ZNF362: variants seen among roughly 807,000 people sequenced by gnomAD.
ZNF362 encodes rotund homolog.
A neutral mutation model predicts 42.9 loss-of-function variants in ZNF362; 11 were observed. The observed-to-expected ratio is 0.26, with a 90% CI of 0.16 to 0.42. The LOEUF is 0.42. Among genes scored for constraint, ZNF362 ranks in the 20% least tolerant of loss-of-function variants. The pLI, the probability that ZNF362 is intolerant of heterozygous loss-of-function variation, is 1.00. For missense variants in ZNF362, 362 were observed against 576.2 expected (o/e 0.63, Z 3.81); for synonymous variants, 255 against 257.3 (o/e 0.99, Z 0.09).
the ZNF362 span, among the ~76,000 whole-genome samples, chr1:33,201,444 TC>T: frequency 2.6e-5 from 4 of 152,324 alleles, no homozygotes; most frequent in East Asian, 5.8e-4. Context: ...AAAGTATATT[TC>T]CTGACAACAA....
At chr1:33,271,256 C>T (rs1055949561) in intron 2 of ZNF362, among the ~76,000 whole-genome samples, 2 of 152,226 alleles carry the variant, frequency 1.3e-5, no homozygotes, top group South Asian at 2.1e-4. Flanking sequence ...CAACACCGAA[C>T]GCTCGTGGCT....
chr1:33,236,548 A>ATATATATATAT, the ZNF362 span, among the ~76,000 whole-genome samples: 2 of 6,002 alleles, frequency 3.3e-4, no homozygotes, highest in Non-Finnish European at 1.4e-3. Flanking sequence ...AAAAAAAAAA[A>ATATATATATAT]AAATATATAT....
the ZNF362 span, among the ~76,000 whole-genome samples, chr1:33,189,751 A>T: frequency 6.9e-6 from 1 of 145,486 alleles, no homozygotes; most frequent in Non-Finnish European, 1.5e-5. Context: ...ATATATACAC[A>T]TACTGTTGTC....
In ZNF362 at chr1:33,295,256, A is replaced by G; in HGVS notation, c.1097A>G (p.Lys366Arg). The G allele has an allele frequency of 6.2e-7, 1 of 1,614,224 alleles. No individual in the cohort carries two copies. Among genetic ancestry groups the G allele is most frequent in the Non-Finnish European group, 8.5e-7 (1 of 1,180,038 alleles). ...LQIHLSAHAI[K>R]HAKAYCCSMC... ...ATCCACCTCTCGGCCCACGCCATCA[A>G]GCACGCCAAGGCCTACTGCTGCAGC... Residue 366 changes from lysine (K) to arginine (R), a missense_variant, in exon 8 of 9, where the codon AAG (lysine) becomes AGG (arginine). Around this residue, in one of 3 missense-constraint regions of ZNF362, gnomAD observed 68 missense variants for 107.4 expected, o/e 0.63. Coordinates refer to ENST00000539719, the MANE Select transcript of ZNF362 (RefSeq NM_152493.3).
chr1:33,140,481 G>T, the ZNF362 span, among the ~76,000 whole-genome samples: 1 of 152,224 alleles, frequency 6.6e-6, no homozygotes, highest in South Asian at 2.1e-4. This position sits in a 1 kb window ranked among gnomAD's most constrained non-coding sequence, Gnocchi z 4.0. Context: ...GTGGTAAGCA[G>T]AGGAAGCAGG....
At chr1:33,236,572 T>TATATATATACAC in the ZNF362 span, among the ~76,000 whole-genome samples, 15 of 98,700 alleles carry the variant, frequency 1.5e-4, 1 homozygote, top group African/African-American at 4.0e-4. Context: ...TATATATATA[T>TATATATATACAC]ACATACACAC....
the ZNF362 span, among the ~76,000 whole-genome samples, chr1:33,213,861 CCAAAA>C: frequency 1.7e-4 from 26 of 152,154 alleles, no homozygotes; most frequent in South Asian, 2.9e-3. Flanking sequence ...CCAAAGCAAA[CCAAAA>C]CAAAACAAAA....
chr1:33,191,700 T>C, the ZNF362 span, among the ~76,000 whole-genome samples: 1 of 152,098 alleles, frequency 6.6e-6, no homozygotes, highest in Non-Finnish European at 1.5e-5. Context: ...AGATGGGGTT[T>C]CACCATATTG....
intron 8 of ZNF362, among the ~76,000 whole-genome samples, chr1:33,297,017 TCA>T (rs1268200449): frequency 6.6e-6 from 1 of 152,066 alleles, no homozygotes; most frequent in Admixed American, 6.6e-5. Flanking sequence ...TGTTCATGGA[TCA>T]TAGGTGGGGT....
At chr1:33,155,580 TG>T in the ZNF362 span, among the ~76,000 whole-genome samples, 1 of 152,182 alleles carries the variant, frequency 6.6e-6, no homozygotes, top group African/African-American at 2.4e-5. Context: ...GCACAGGCTC[TG>T]GGGCCCGACG....
chr1:33,189,502 C>CAT, the ZNF362 span, among the ~76,000 whole-genome samples: 3 of 150,578 alleles, frequency 2.0e-5, no homozygotes, highest in Admixed American at 1.3e-4. Context: ...GTTGATCCCC[C>CAT]ATATATATAT....
chr1:33,188,517 C>T, the ZNF362 span, among the ~76,000 whole-genome samples: 3 of 152,138 alleles, frequency 2.0e-5, no homozygotes. Context: ...TGTATCAGTC[C>T]CATGAAGTCA....
At position 33,295,723 on chromosome 1, in the gene ZNF362, C is replaced by T. The variant is rs57527735; in HGVS notation, c.1146+418C>T. On this transcript the variant is annotated intron_variant, in intron 8 of 8. Coordinates refer to ENST00000539719, the MANE Select transcript of ZNF362 (RefSeq NM_152493.3). ...CATCTCAGGAAAGGCCTGAGCAGCC[C>T]GGAAAGCTCAGAGCATTCAGCTCCC... is the stretch of plus-strand genomic sequence containing the variant. 9.5e-3 allele frequency among the ~76,000 whole-genome samples: 1,447 copies of T among 152,308 alleles called. 32 individuals carry two copies. Among genetic ancestry groups the T allele is most frequent in the African/African-American group, 0.033 (1,366 of 41,578 alleles).
chr1:33,140,465 C>T, the ZNF362 span, among the ~76,000 whole-genome samples: 15 of 152,254 alleles, frequency 9.9e-5, no homozygotes, highest in African/African-American at 2.9e-4. The surrounding 1 kb of genome is among the most constrained non-coding windows in gnomAD (Gnocchi z 4.0). Context: ...CTTTGACCTG[C>T]GGTATGTGGT....
the ZNF362 span, among the ~76,000 whole-genome samples, chr1:33,218,932 TACACACACACACAC>T: frequency 8.3e-5 from 10 of 121,084 alleles, no homozygotes; most frequent in African/African-American, 1.5e-4. Context: ...GAGCTGGACA[TACACACACACACAC>T]ACACACACAC....
At chr1:33,165,428 C>G in the ZNF362 span, 3 of 1,525,272 alleles carry the variant, frequency 2.0e-6, no homozygotes, top group African/African-American at 4.1e-5. This position sits in a 1 kb window ranked among gnomAD's most constrained non-coding sequence, Gnocchi z 4.0. Flanking sequence ...AAGCCCTGCC[C>G]TCATCTCTGC....
chr1:33,192,998 C>T, the ZNF362 span, among the ~76,000 whole-genome samples: 15 of 21,086 alleles, frequency 7.1e-4, no homozygotes. Context: ...CACACACACA[C>T]ACACACATAT....
the ZNF362 span, among the ~76,000 whole-genome samples, chr1:33,169,683 C>T: frequency 5.3e-5 from 8 of 152,290 alleles, no homozygotes; most frequent in African/African-American, 9.6e-5. Context: ...CTGTTCAATA[C>T]GACACACGTG....
chr1:33,134,585 C>T, the ZNF362 span, among the ~76,000 whole-genome samples: 2 of 152,116 alleles, frequency 1.3e-5, no homozygotes, highest in African/African-American at 2.4e-5. Context: ...AAAGAAAGAC[C>T]TCCTAATCCG....
Sources: allele counts gnomAD v4.1 joint callset (sites outside exome capture counted in the v4.1 genomes callset), GRCh38; gene constraint gnomAD v4.1.1; regional missense constraint gnomAD v4.1.1; non-coding constraint Gnocchi (gnomAD v3.1); transcripts MANE v1.5; gene names NCBI Gene and HGNC (gene_info 2026-07-23, HGNC 2026-07-21).